LIPC: variants seen among roughly 807,000 people sequenced by gnomAD.
LIPC encodes lipase C, hepatic type.
In LIPC, 44 loss-of-function variants were observed where a neutral mutation model predicts 50.7. That is an observed-to-expected ratio of 0.87 (90% CI 0.68 to 1.11). The LOEUF is 1.11. Ranked by LOEUF, LIPC falls within the 50% of genes most tolerant of loss-of-function variation. LIPC has a pLI of 0.00. For missense variants in LIPC, 697 were observed against 648.2 expected, an observed-to-expected ratio of 1.08 and a Z score of -0.82; for synonymous variants, 271 against 256.4, an observed-to-expected ratio of 1.06 and a Z score of -0.54.
intron 1 of LIPC, among the ~76,000 whole-genome samples, chr15:58,517,166 G>C (rs368902255): frequency 1.3e-5 from 2 of 152,190 alleles, no homozygotes; most frequent in South Asian, 4.1e-4. Flanking sequence ...AATTGTGTTT[G>C]AGTAGAACTG....
chr15:58,513,199 C>T (rs752356932), intron 1 of LIPC, among the ~76,000 whole-genome samples: 4 of 152,172 alleles, frequency 2.6e-5, no homozygotes, highest in Non-Finnish European at 5.9e-5. Flanking sequence ...CTCTAATATT[C>T]CACATCCCCT....
chr15:58,436,145 G>T (rs1301326784), intron 1 of LIPC: 1 of 152,828 alleles, frequency 6.5e-6, no homozygotes, highest in African/African-American at 2.4e-5. Context: ...CAGACTCAGG[G>T]GCGTGTTCTT....
intron 4 of LIPC, among the ~76,000 whole-genome samples, chr15:58,544,016 C>T (rs901646047): frequency 2.4e-4 from 36 of 152,202 alleles, no homozygotes; most frequent in Non-Finnish European, 3.8e-4. Context: ...TAATGGCAGA[C>T]GTTTCAACAG....
intron 6 of LIPC, among the ~76,000 whole-genome samples, chr15:58,551,766 T>G (rs1370899143): frequency 2.0e-5 from 3 of 152,192 alleles, no homozygotes; most frequent in Non-Finnish European, 4.4e-5. Flanking sequence ...AACATCTAAT[T>G]GTACAATGTA....
intron 1 of LIPC, among the ~76,000 whole-genome samples, chr15:58,500,671 G>A (rs551893569): frequency 6.6e-6 from 1 of 152,066 alleles, no homozygotes; most frequent in Non-Finnish European, 1.5e-5. Context: ...ATAGATTTGG[G>A]ATCCACGTGT....
At chr15:58,472,270 C>CAA (rs35901617) in intron 1 of LIPC, among the ~76,000 whole-genome samples, 3,548 of 87,340 alleles carry the variant, frequency 0.041, 107 homozygotes, top group Middle Eastern at 0.07. Context: ...CATTTGGTCT[C>CAA]AAAAAAAAAA....
chr15:58,488,253 G>A (rs1468916381), intron 1 of LIPC, among the ~76,000 whole-genome samples: 1 of 152,226 alleles, frequency 6.6e-6, no homozygotes, highest in Admixed American at 6.5e-5. Flanking sequence ...CTGGGCAATG[G>A]AGACTCCATC....
intron 1 of LIPC, among the ~76,000 whole-genome samples, chr15:58,496,963 G>T (rs1891793839): frequency 6.6e-6 from 1 of 152,104 alleles, no homozygotes; most frequent in South Asian, 2.1e-4. Context: ...GGGATTACAG[G>T]CATAAGCCAC....
intron 1 of LIPC, among the ~76,000 whole-genome samples, chr15:58,441,137 G>A (rs1050131266): frequency 1.3e-5 from 2 of 152,128 alleles, no homozygotes; most frequent in African/African-American, 2.4e-5. Flanking sequence ...GGCCCAGCAG[G>A]GACCAGTTTT....
In LIPC at chr15:58,563,519, C is replaced by T. The variant is rs767017405; in HGVS notation, c.1184C>T (p.Ala395Val). The part of the protein sequence containing the change: ...KIPITLGKGI[A>V]SNKTYSFLIT... ...GTGTATTCAAGGGGCAAAGGAATTG[C>T]TAGTAATAAAACGTATTCCTTTCTT... The change falls in exon 8 of 9, where the codon GCT becomes GTT. Residue 395 changes from alanine (A) to valine (V), a missense_variant. Transcript: ENST00000299022. 6.8e-6 allele frequency: 11 copies of T among 1,613,716 alleles called. No homozygotes were observed. Among genetic ancestry groups the T allele is most frequent in the Non-Finnish European group, 9.3e-6 (11 of 1,179,656 alleles).
chr15:58,493,487 T>G (rs202177974), intron 1 of LIPC, among the ~76,000 whole-genome samples: 2 of 151,052 alleles, frequency 1.3e-5, no homozygotes, highest in African/African-American at 2.4e-5. Flanking sequence ...ATATATTTTT[T>G]TGTGTATATA....
intron 1 of LIPC, chr15:58,494,855 A>C (rs1368107439): frequency 2.2e-6 from 1 of 456,222 alleles, no homozygotes; most frequent in East Asian, 7.0e-5. Flanking sequence ...TCCTCCCTTC[A>C]TCTGATTTCC....
At chr15:58,469,560 C>A (rs1386803339) in intron 1 of LIPC, among the ~76,000 whole-genome samples, 1 of 152,226 alleles carries the variant, frequency 6.6e-6, no homozygotes, top group African/African-American at 2.4e-5. Flanking sequence ...TCCAACCTGG[C>A]TCAGGCAGGG....
At chr15:58,515,521 C>CAT in intron 1 of LIPC, among the ~76,000 whole-genome samples, 1 of 60,510 alleles carries the variant, frequency 1.7e-5, no homozygotes, top group Non-Finnish European at 3.1e-5. Flanking sequence ...GAGGTCTTTG[C>CAT]ATATACACAC....
chr15:58,551,480 C>T lies in LIPC; in HGVS notation c.1051+2908C>T, dbSNP rs74837693. Among the ~76,000 whole-genome samples, 301 of 152,314 alleles carry T rather than the reference C, an allele frequency of 2.0e-3. 2 individuals are homozygous for T. Among genetic ancestry groups the T allele is most frequent in the Admixed American group, 2.9e-3 (45 of 15,300 alleles). ...AGTTACACAAGCCACCTTTCAAGTG[C>T]TCAAATACGTGGCTGCTGCATCAGA... On this transcript the variant is annotated intron_variant, in intron 6 of 8. Transcript: ENST00000299022.
intron 1 of LIPC, among the ~76,000 whole-genome samples, chr15:58,480,834 A>C (rs1277253804): frequency 6.6e-6 from 1 of 152,038 alleles, no homozygotes; most frequent in Non-Finnish European, 1.5e-5. Flanking sequence ...GACTGTCCTG[A>C]TTTAGAACTT....
At position 58,492,795 on chromosome 15, in the gene LIPC, G is replaced by A. The variant is rs1284407918; in HGVS notation, c.89-45538G>A. 5.3e-5 allele frequency among the ~76,000 whole-genome samples: 8 copies of A among 152,158 alleles called. No individual in the cohort carries two copies. In the East Asian group the frequency reaches 1.2e-3, roughly 22 times the overall value. ...CCCCTCCTTAAACCCAAATATCCCT[G>A]GGACAGGATGGAAATCCATAAACAG... On this transcript the variant is annotated intron_variant, in intron 1 of 8. Coordinates refer to ENST00000299022, the MANE Select transcript of LIPC (RefSeq NM_000236.3).
intron 1 of LIPC, among the ~76,000 whole-genome samples, chr15:58,491,392 C>T (rs1891582508): frequency 6.6e-6 from 1 of 152,214 alleles, no homozygotes; most frequent in African/African-American, 2.4e-5. Flanking sequence ...GGCTCAGTTT[C>T]CTGGCCTGTA....
chr15:58,555,748 A>T (rs1457437711), intron 6 of LIPC, among the ~76,000 whole-genome samples: 6 of 152,196 alleles, frequency 3.9e-5, no homozygotes, highest in Admixed American at 2.6e-4. Flanking sequence ...CTCTAACAGC[A>T]GGACAGATGG....
Sources: gnomAD v4.1 joint callset for allele counts (sites outside exome capture counted in the v4.1 genomes callset) on GRCh38, gnomAD v4.1.1 for gene constraint, MANE v1.5 for transcripts, NCBI Gene and HGNC (gene_info 2026-07-23, HGNC 2026-07-21) for gene names.